Variants in LRRC9 observed in about 807,000 individuals in gnomAD.
LRRC9 encodes the protein leucine rich repeat containing 9.
LRRC9 carries 122 observed loss-of-function variants against 63.2 expected under a neutral mutation model. The ratio of observed to expected loss-of-function variants is 1.93; its 90% CI spans 1.67 to 2.24. The LOEUF is 2.24. LRRC9 is among the 30% of genes most tolerant of loss of function. The pLI, the probability that LRRC9 is intolerant of heterozygous loss-of-function variation, is 0.00. For missense variants in LRRC9, 1,071 were observed against 627.7 expected, an observed-to-expected ratio of 1.71 and a Z score of -7.55; for synonymous variants, 366 against 213.1, an observed-to-expected ratio of 1.72 and a Z score of -6.25.
intron 1 of LRRC9, among the ~76,000 whole-genome samples, chr14:59,921,717 A>AT (rs57938700): frequency 0.085 from 10,324 of 121,138 alleles, 567 homozygotes; most frequent in African/African-American, 0.11. Flanking sequence ...GGGCAGTTGG[A>AT]TTTTTTTTTT....
intron 17 of LRRC9, among the ~76,000 whole-genome samples, chr14:59,996,523 T>C (rs1437703456): frequency 6.6e-6 from 1 of 152,084 alleles, no homozygotes; most frequent in East Asian, 1.9e-4. Context: ...TCTTAGAGAT[T>C]TTTTACAAAC....
rs1305758782 is a variant in LRRC9, at chr14:60,060,964, T to TA, written c.4277-2358dup. On this transcript the variant is annotated intron_variant, in intron 31 of 31. Transcript: ENST00000445360. This position sits in a 1 kb window ranked among gnomAD's most constrained non-coding sequence, Gnocchi z 4.0. ...AGATGTGTGGAAACAGCAAGAGAAC[T>TA]AGAAGTGGAGCCTGAAGATGTGACT... Among the ~76,000 whole-genome samples the TA allele has an allele frequency of 6.6e-6, 1 of 152,130 alleles. No individual in the cohort carries two copies. Among genetic ancestry groups the TA allele is most frequent in the Non-Finnish European group, 1.5e-5 (1 of 68,012 alleles).
intron 29 of LRRC9, among the ~76,000 whole-genome samples, chr14:60,048,174 G>A (rs1052179492): frequency 6.6e-6 from 1 of 151,984 alleles, no homozygotes; most frequent in Non-Finnish European, 1.5e-5. Flanking sequence ...AGCACTAAAT[G>A]CCCACATCAA....
intron 10 of LRRC9, among the ~76,000 whole-genome samples, chr14:59,965,785 A>T (rs1477003061): frequency 1.4e-5 from 2 of 146,176 alleles, no homozygotes; most frequent in East Asian, 4.4e-4. Context: ...CGGGAAGCTG[A>T]GGCAGGAGAA....
rs575031859 is a variant in LRRC9, at chr14:59,954,430, TG to T, written c.883-5385del. On this transcript the variant is annotated intron_variant, in intron 8 of 31. Coordinates refer to ENST00000445360, the Ensembl canonical transcript of LRRC9. ...TTATTCTCTTTCTAGCAATTGTGAA[TG>T]GGAGTTCACTCATGATTTGGCTCTC... 8.0e-4 allele frequency among the ~76,000 whole-genome samples: 122 copies of T among 152,326 alleles called. No homozygotes were observed. In the Middle Eastern group the frequency reaches 0.024, roughly 30 times the overall value.
chr14:59,979,749 T>C (rs1594930027), intron 15 of LRRC9, among the ~76,000 whole-genome samples: 1 of 140,082 alleles, frequency 7.1e-6, no homozygotes. Flanking sequence ...TTCTCACTCA[T>C]AGGTGGGAAT....
At chr14:60,054,004 T>C in intron 30 of LRRC9, 2 of 422,842 alleles carry the variant, frequency 4.7e-6, no homozygotes, top group South Asian at 1.7e-5. Flanking sequence ...GTAGAGAATA[T>C]AAATGAATCT....
Position 60,004,411 on chromosome 14 carries a change from C to T in LRRC9, c.2842+613C>T, listed in dbSNP as rs1007975578. On this transcript the variant is annotated intron_variant, in intron 21 of 31. Coordinates refer to ENST00000445360, the Ensembl canonical transcript of LRRC9. This position sits in a 1 kb window ranked among gnomAD's most constrained non-coding sequence, Gnocchi z 4.8. ...TGAAAATAAAATATACTATATGTAACATTTTCCATGGATCCACATACAAGT... is the reference window on the plus strand; with the variant it reads ...TGAAAATAAAATATACTATATGTAATATTTTCCATGGATCCACATACAAGT... Among the ~76,000 whole-genome samples, 2 of 152,010 alleles carry T rather than the reference C, an allele frequency of 1.3e-5. No homozygotes were observed. Among genetic ancestry groups the T allele is most frequent in the Admixed American group, 6.6e-5 (1 of 15,262 alleles).
intron 8 of LRRC9, among the ~76,000 whole-genome samples, chr14:59,953,819 T>G (rs192497578): frequency 6.6e-6 from 1 of 152,214 alleles, no homozygotes; most frequent in Non-Finnish European, 1.5e-5. Context: ...CTTTGATTCA[T>G]CTTGAGTTAC....
At chr14:60,049,863 G>A (rs1193954695) in intron 29 of LRRC9, among the ~76,000 whole-genome samples, 1 of 152,102 alleles carries the variant, frequency 6.6e-6, no homozygotes, top group Admixed American at 6.6e-5. Context: ...CTAACTTGGT[G>A]TCAGTCTCCC....
intron 19 of LRRC9, among the ~76,000 whole-genome samples, chr14:59,999,884 A>G (rs187869655): frequency 1.3e-3 from 204 of 152,244 alleles, no homozygotes; most frequent in Non-Finnish European, 1.9e-3. Flanking sequence ...CTGGGAATTT[A>G]CCCTAAGAAA....
At chr14:59,920,025 C>A in intron 1 of LRRC9, 119 bp from the exon 1 acceptor site, 1 of 152,338 alleles carries the variant, frequency 6.6e-6, no homozygotes, top group African/African-American at 2.4e-5. Context: ...TGATGCAAAC[C>A]CGGGTCGGCC....
chr14:59,992,258 G>T (rs554022061), intron 17 of LRRC9, among the ~76,000 whole-genome samples: 34 of 152,296 alleles, frequency 2.2e-4, no homozygotes, highest in African/African-American at 7.2e-4. Context: ...GGTCCTGACT[G>T]TTAGAAGGAA....
At chr14:60,020,432 T>C (rs765229848) in intron 26 of LRRC9, among the ~76,000 whole-genome samples, 1 of 151,982 alleles carries the variant, frequency 6.6e-6, no homozygotes, top group Non-Finnish European at 1.5e-5. Context: ...TTTATATACA[T>C]ACTTTTTTGG....
intron 27 of LRRC9, among the ~76,000 whole-genome samples, chr14:60,026,132 T>TTGTTCCTTG (rs1891532054): frequency 6.6e-6 from 1 of 152,058 alleles, no homozygotes; most frequent in Non-Finnish European, 1.5e-5. Flanking sequence ...AGAGATACAT[T>TTGTTCCTTG]ATTTTAGAAT....
At chr14:59,974,475 C>A in intron 12 of LRRC9, 101 bp from the exon 13 acceptor site, 1 of 433,880 alleles carries the variant, frequency 2.3e-6, no homozygotes, top group East Asian at 3.5e-5. Context: ...CTGCAGATTT[C>A]TTTGCCCAGA....
Position 60,027,130 on chromosome 14 carries a change from C to T in LRRC9, c.3704-754C>T, listed in dbSNP as rs1161934108. ...TAAAATGTAAAAGGTCTAAGTTAGG[C>T]CTGATACTGCCATTTTTATGTCTTT... On this transcript the variant is annotated intron_variant, in intron 27 of 31. Coordinates refer to ENST00000445360, the Ensembl canonical transcript of LRRC9. This position sits in a 1 kb window ranked among gnomAD's most constrained non-coding sequence, Gnocchi z 4.0. 6.6e-6 allele frequency among the ~76,000 whole-genome samples: 1 copy of T among 151,928 alleles called. No individual in the cohort carries two copies. The highest frequency in any genetic ancestry group is 2.4e-5 in the African/African-American group (1 of 41,390).
chr14:60,004,085 C>T lies in LRRC9; in HGVS notation c.2842+287C>T, dbSNP rs73306052. Among the ~76,000 whole-genome samples, 463 of 152,156 alleles carry T rather than the reference C, an allele frequency of 3.0e-3. 3 individuals carry two copies. Among genetic ancestry groups the T allele is most frequent in the African/African-American group, 0.011 (439 of 41,534 alleles). ...ATAAAAGATAAATAAAAAATTAAAA[C>T]GAGTTCATACCTATTAGTGGAATTC... is the stretch of plus-strand genomic sequence containing the variant. On this transcript the variant is annotated intron_variant, in intron 21 of 31. Transcript: ENST00000445360. The surrounding 1 kb of genome is among the most constrained non-coding windows in gnomAD (Gnocchi z 4.8).
intron 29 of LRRC9, among the ~76,000 whole-genome samples, chr14:60,034,183 A>G (rs1256933802): frequency 6.6e-6 from 1 of 151,166 alleles, no homozygotes; most frequent in Non-Finnish European, 1.5e-5. Context: ...ATGCCTGGCT[A>G]ATTTTTTGTA....
Sources: allele counts gnomAD v4.1 joint callset (sites outside exome capture counted in the v4.1 genomes callset), GRCh38; gene constraint gnomAD v4.1.1; non-coding constraint Gnocchi (gnomAD v3.1); transcripts MANE v1.5; gene names NCBI Gene and HGNC (gene_info 2026-07-23, HGNC 2026-07-21).